The following INF2 variants were observed in gnomAD, a reference collection of about 807,000 sequenced individuals.
The protein encoded by INF2 is inverted formin 2.
INF2 carries 43 observed loss-of-function variants against 123.5 expected under a neutral mutation model. The observed-to-expected ratio is 0.35, with a 90% CI of 0.27 to 0.45. INF2 has a LOEUF of 0.45. INF2 is among the 20% of genes least tolerant of loss of function. The probability of loss-of-function intolerance (pLI) is 1.00; values close to 1 mark genes in which losing one functional copy is unlikely to be tolerated. For synonymous variants in INF2, 851 were observed against 745.0 expected, an observed-to-expected ratio of 1.14 and a Z score of -2.32; for missense variants, 1,453 against 1,682.7, an observed-to-expected ratio of 0.86 and a Z score of 2.39.
chr14:104,704,002 A>G, intron 5 of INF2, 53 bp downstream of exon 5: 1 of 1,604,168 alleles, frequency 6.2e-7, no homozygotes, highest in Non-Finnish European at 8.5e-7. Flanking sequence ...TCCCAAGGCC[A>G]GGCCCACCTG....
chr14:104,711,030 T>G, intron 14 of INF2, 23 bp downstream of exon 14: 1 of 1,611,104 alleles, frequency 6.2e-7, no homozygotes, highest in Non-Finnish European at 8.5e-7. Flanking sequence ...CAGCTCCCCA[T>G]CCCACCTGGT....
rs558692989 is a variant in INF2 at position 104,698,042 on chromosome 14, C to A, written c.-9-3315C>A. 3.9e-5 allele frequency among the ~76,000 whole-genome samples: 6 copies of A among 152,336 alleles called. No individual in the cohort carries two copies. The South Asian group carries it at 1.2e-3, about 32-fold the overall frequency. ...CTGGTGCCGGCTGTAGAAAAGATTG[C>A]GAAGAACGCAAATTCCTGTGCCTGT... is the stretch of plus-strand genomic sequence containing the variant. On this transcript the variant is annotated intron_variant, in intron 1 of 22. Transcript: ENST00000392634.
At position 104,707,529 on chromosome 14, in the gene INF2, C is replaced by T; in HGVS notation, c.1262C>T (p.Pro421Leu). 1.1e-6 allele frequency: 1 copy of T among 889,504 alleles called. No homozygotes were observed. Among genetic ancestry groups the T allele is most frequent in the Admixed American group, 2.9e-5 (1 of 34,168 alleles). The allele number at this position is 889,504 out of a possible 1,614,324, so 55.1% of individuals were successfully genotyped here. The change falls in exon 8 of 23, where the codon CCA (proline) becomes CTA (leucine). Residue 421 changes from proline (P) to leucine (L), a missense_variant. Physicochemically the swap from Pro to Leu is moderately conservative, Grantham distance 98 (BLOSUM62 -3). Coordinates refer to ENST00000392634, the MANE Select transcript of INF2 (RefSeq NM_022489.4). The stretch of plus-strand genomic sequence containing the variant: ...GCCCTGGAGCAGCAGGCGTCCACCC[C>T]ACCCCCACCCCCACCCCCACCCCTG... ...PRALEQQAST[P>L]PPPPPPPLLP...
In INF2 at chr14:104,695,844, G is replaced by A. The variant is rs549355595; in HGVS notation, c.-9-5513G>A. On this transcript the variant is annotated intron_variant, in intron 1 of 22. Coordinates refer to ENST00000392634, the MANE Select transcript of INF2 (RefSeq NM_022489.4). ...CCCGGACCCCCCAGCCACCTCCACC[G>A]ACACTTGCCAGAGTGCCATGAAGGA... 5.9e-5 allele frequency among the ~76,000 whole-genome samples: 9 copies of A among 152,106 alleles called. No homozygotes were observed. The South Asian group carries it at 1.5e-3, about 25-fold the overall frequency.
chr14:104,707,603 C>T lies in INF2; in HGVS notation c.1336C>T (p.Leu446=). 8.5e-7 allele frequency: 1 copy of T among 1,177,220 alleles called. No individual in the cohort carries two copies. Among genetic ancestry groups the T allele is most frequent in the Middle Eastern group, 2.9e-4 (1 of 3,498 alleles). The allele number at this position is 1,177,220 out of a possible 1,614,324, so 72.9% of individuals were successfully genotyped here. The change falls in exon 8 of 23, where the codon CTG becomes TTG. Residue 446 remains leucine, a synonymous_variant. Coordinates refer to ENST00000392634, the MANE Select transcript of INF2 (RefSeq NM_022489.4). The part of the protein sequence containing the change: ...EPPPPPPPPP[L]PSVGAKALPT... ...CCCTCCCCCTCCCCCACCACCCCCC[C>T]TGCCCAGTGTGGGGGCTAAGGCCCT...
At position 104,707,977 on chromosome 14, in the gene INF2, G is replaced by A; in HGVS notation, c.1710G>A (p.Gln570=). The A allele has an allele frequency of 1.3e-6, 2 of 1,598,330 alleles. No individual in the cohort carries two copies. Among genetic ancestry groups the A allele is most frequent in the Non-Finnish European group, 1.7e-6 (2 of 1,179,738 alleles). Residue 570 remains glutamine (Q), a synonymous_variant, in exon 8 of 23, where the codon CAG becomes CAA. Coordinates refer to ENST00000392634, the MANE Select transcript of INF2 (RefSeq NM_022489.4). ...TGCGCATGAAGAAGCTGAACTGGCA[G>A]AAGCTGCCATCCAACGTGGCACGTG... ...PTLRMKKLNW[Q]KLPSNVAREH...
At chr14:104,715,606 G>C in intron 22 of INF2, 1 of 599,648 alleles carries the variant, frequency 1.7e-6, no homozygotes, top group Non-Finnish European at 3.0e-6. Context: ...GCCTCGAGAG[G>C]GCAGGTGGCA....
At position 104,711,189 on chromosome 14, in the gene INF2, G is replaced by A. The variant is rs748896420; in HGVS notation, c.2418+3G>A. Reference sequence around the variant, plus strand: ...CGCTGCTGCACCACGTGCTGGAGGTGGGCCGTGGTGGCGGGGGCATAATGG... The same window carrying A: ...CGCTGCTGCACCACGTGCTGGAGGTAGGCCGTGGTGGCGGGGGCATAATGG... On this transcript the variant is annotated splice_donor_region_variant and intron_variant, in intron 15 of 22. Coordinates refer to ENST00000392634, the MANE Select transcript of INF2 (RefSeq NM_022489.4). 64 of 1,553,340 alleles carry A rather than the reference G, an allele frequency of 4.1e-5. No individual in the cohort carries two copies. The highest frequency in any genetic ancestry group is 5.6e-5 in the Non-Finnish European group (64 of 1,148,810).
At chr14:104,682,710 C>A (rs935896587) in intron 1 of INF2, among the ~76,000 whole-genome samples, 2 of 152,150 alleles carry the variant, frequency 1.3e-5, no homozygotes, top group African/African-American at 4.8e-5. Flanking sequence ...TCTGTAAGAA[C>A]TGGGGAATTA....
upstream of INF2, chr14:104,689,468 C>T: frequency 2.4e-6 from 1 of 416,816 alleles, no homozygotes; most frequent in African/African-American, 2.2e-5. Context: ...AAAGCGCCCT[C>T]AGGGACCGGC....
At chr14:104,691,964 G>A (rs1165397670) in intron 1 of INF2, among the ~76,000 whole-genome samples, 1 of 152,192 alleles carries the variant, frequency 6.6e-6, no homozygotes, top group Non-Finnish European at 1.5e-5. Context: ...AGGGCAGACC[G>A]GTGGTGCCTG....
intron 16 of INF2, 77 bp from the exon 17 acceptor site, chr14:104,712,356 C>T: frequency 6.3e-7 from 1 of 1,591,676 alleles, no homozygotes. Flanking sequence ...CCGGGGGGTG[C>T]AGGGGAGGGG....
intron 6 of INF2, among the ~76,000 whole-genome samples, 164 bp downstream of exon 6, chr14:104,706,340 C>A (rs1387984903): frequency 6.6e-6 from 1 of 152,280 alleles, no homozygotes; most frequent in East Asian, 1.9e-4. Context: ...CAGCAAGGAC[C>A]CAGGGGTTGG....
At chr14:104,686,960 C>T (rs1409202925), upstream of INF2, among the ~76,000 whole-genome samples, 1 of 152,236 alleles carries the variant, frequency 6.6e-6, no homozygotes, top group Non-Finnish European at 1.5e-5. Context: ...CACTCTTGCA[C>T]TCTGTGCCAG....
At chr14:104,682,651 G>A (rs1888553134) in intron 1 of INF2, among the ~76,000 whole-genome samples, 1 of 152,166 alleles carries the variant, frequency 6.6e-6, no homozygotes, top group South Asian at 2.1e-4. Flanking sequence ...CATCCAGGTG[G>A]GAAGAAAGAG....
chr14:104,709,532 G>A, intron 11 of INF2, 88 bp from the exon 12 acceptor site: 1 of 1,337,196 alleles, frequency 7.5e-7, no homozygotes, highest in Non-Finnish European at 1.1e-6. Flanking sequence ...AGCCATGATG[G>A]GCACTGGAGG....
intron 10 of INF2, 28 bp from the exon 11 acceptor site, chr14:104,709,253 C>A (rs1889927670): frequency 1.3e-6 from 2 of 1,573,776 alleles, no homozygotes; most frequent in African/African-American, 1.3e-5. Context: ...GATTCACTCA[C>A]CCCTGCCCGG....
intron 13 of INF2, 56 bp downstream of exon 13, chr14:104,710,244 CG>C: frequency 2.2e-6 from 3 of 1,342,570 alleles, no homozygotes; most frequent in Non-Finnish European, 2.1e-6. Flanking sequence ...CGAACCGGGG[CG>C]GGAGGGCTGC....
chr14:104,711,111 G>A lies in INF2; in HGVS notation c.2343G>A (p.Lys781=). The part of the protein sequence containing the change: ...GSHTGDADGF[K]ISTLLKLTET... Reference sequence around the variant, plus strand: ...ACACCGGTGACGCCGACGGCTTCAAGATCAGCACATTGCTGAAGCTCACGG... The same window carrying A: ...ACACCGGTGACGCCGACGGCTTCAAAATCAGCACATTGCTGAAGCTCACGG... The change falls in exon 15 of 23, where the codon AAG becomes AAA. Residue 781 remains lysine (K), a synonymous_variant. Coordinates refer to ENST00000392634, the MANE Select transcript of INF2 (RefSeq NM_022489.4). The A allele has an allele frequency of 1.3e-6, 2 of 1,587,704 alleles. No individual in the cohort carries two copies. The highest frequency in any genetic ancestry group is 8.6e-7 in the Non-Finnish European group (1 of 1,168,494).
Sources: gnomAD v4.1 joint callset for allele counts (sites outside exome capture counted in the v4.1 genomes callset) on GRCh38, gnomAD v4.1.1 for gene constraint, MANE v1.5 for transcripts, NCBI Gene and HGNC (gene_info 2026-07-23, HGNC 2026-07-21) for gene names.